MCF2: variants seen among roughly 807,000 people sequenced by gnomAD.
MCF2 encodes proto-oncogene DBL.
MCF2 carries 44 observed loss-of-function variants against 82.5 expected under a neutral mutation model. The ratio of observed to expected loss-of-function variants is 0.53; its 90% CI spans 0.42 to 0.69. MCF2 has a LOEUF of 0.69. Ranked by LOEUF, MCF2 falls within the 30% of genes least tolerant of loss-of-function variation. The pLI, the probability that MCF2 is intolerant of heterozygous loss-of-function variation, is 0.00. For missense variants in MCF2, 623 were observed against 663.1 expected (o/e 0.94, Z 0.66); for synonymous variants, 217 against 224.9 (o/e 0.96, Z 0.32).
At chrX:139,641,745 A>T (rs1275205953) in intron 1 of MCF2, among the ~76,000 whole-genome samples, 1 of 111,754 alleles carries the variant, frequency 8.9e-6, no homozygotes, top group African/African-American at 3.2e-5. Flanking sequence ...TTTCTCCAAA[A>T]TACATCTAAA....
chrX:139,654,291 C>A (rs185009031), intron 1 of MCF2, among the ~76,000 whole-genome samples: 2 of 111,591 alleles, frequency 1.8e-5, no homozygotes, highest in Admixed American at 1.9e-4. Context: ...TTCCCCACAC[C>A]CTCACCAGCA....
chrX:139,622,673 T>C (rs1338913326), intron 6 of MCF2, among the ~76,000 whole-genome samples: 2 of 108,456 alleles, frequency 1.8e-5, no homozygotes, highest in African/African-American at 6.7e-5. Context: ...TAGGTGGGAA[T>C]TGAACAATGA....
At chrX:139,650,893 C>T (rs987848230) in intron 2 of MCF2, among the ~76,000 whole-genome samples, 1 of 111,883 alleles carries the variant, frequency 8.9e-6, no homozygotes, top group East Asian at 2.8e-4. Flanking sequence ...ATCGATGAAA[C>T]TTGAAGACCT....
chrX:139,703,365 A>G (rs1346466567), intron 1 of MCF2, among the ~76,000 whole-genome samples: 1 of 111,635 alleles, frequency 9.0e-6, no homozygotes, highest in Non-Finnish European at 1.9e-5. Flanking sequence ...GTGAGAAAAA[A>G]AGATAAGAGA....
At chrX:139,648,593 G>C (rs949375990) in intron 2 of MCF2, among the ~76,000 whole-genome samples, 2 of 111,223 alleles carry the variant, frequency 1.8e-5, no homozygotes, top group Non-Finnish European at 3.8e-5. Flanking sequence ...AATGATCTAG[G>C]CACTGCAATT....
At chrX:139,632,438 T>C in exon 2 of MCF2, 1 of 1,202,407 alleles carries the variant, frequency 8.3e-7, no homozygotes, top group Non-Finnish European at 1.1e-6. Context: ...CAAGTGCAAG[T>C]TCCCAGGGAA....
exon 25 of MCF2, chrX:139,582,394 C>A: frequency 9.1e-7 from 1 of 1,093,711 alleles, no homozygotes; most frequent in Non-Finnish European, 1.3e-6. Flanking sequence ...AGCTCAATGT[C>A]TTTTGCGCAG....
intron 1 of MCF2, among the ~76,000 whole-genome samples, chrX:139,679,118 T>C (rs1934942540): frequency 8.9e-6 from 1 of 112,445 alleles, no homozygotes; most frequent in Admixed American, 9.4e-5. Flanking sequence ...ACATGTACAA[T>C]GTCAACCCAA....
At chrX:139,658,654 T>TA (rs1340066057) in intron 1 of MCF2, among the ~76,000 whole-genome samples, 2 of 99,674 alleles carry the variant, frequency 2.0e-5, no homozygotes, top group East Asian at 3.2e-4. Context: ...AAGCCTCTGC[T>TA]AAAAAAAGAT....
intron 9 of MCF2, 136 bp downstream of exon 12, chrX:139,616,146 T>C (rs1166648747): frequency 1.3e-5 from 4 of 317,949 alleles, no homozygotes; most frequent in African/African-American, 8.2e-5. Flanking sequence ...ACAGTGGCAC[T>C]ACTATCACCC....
At chrX:139,601,823 A>G (rs2148426335) in intron 16 of MCF2, among the ~76,000 whole-genome samples, 1 of 111,233 alleles carries the variant, frequency 9.0e-6, no homozygotes, top group East Asian at 2.8e-4. Context: ...GAGAAAATAG[A>G]ATGTGTTTAA....
At chrX:139,645,516 G>A, upstream of MCF2, 1 of 765,027 alleles carries the variant, frequency 1.3e-6, no homozygotes, top group Admixed American at 2.7e-5. Context: ...AAAACAGAAA[G>A]TATAATATAA....
intron 19 of MCF2, among the ~76,000 whole-genome samples, chrX:139,594,730 T>C (rs1368752034): frequency 7.4e-5 from 8 of 108,116 alleles, no homozygotes; most frequent in Admixed American, 6.9e-4. Context: ...ACAAATGGGA[T>C]CTAATTAAAC....
chrX:139,707,881 G>A (rs1313618702), intron 1 of MCF2, among the ~76,000 whole-genome samples: 1 of 111,894 alleles, frequency 8.9e-6, no homozygotes, highest in African/African-American at 3.3e-5. Flanking sequence ...GAAACCCAAA[G>A]CAGGCTATTG....
intron 6 of MCF2, among the ~76,000 whole-genome samples, chrX:139,621,978 C>T (rs1263068170): frequency 9.0e-6 from 1 of 111,427 alleles, no homozygotes; most frequent in Non-Finnish European, 1.9e-5. Flanking sequence ...GCAACCTACT[C>T]ATCTGACAAA....
chrX:139,615,639 T>G, intron 9 of MCF2, among the ~76,000 whole-genome samples: 1 of 111,948 alleles, frequency 8.9e-6, no homozygotes, highest in Non-Finnish European at 1.9e-5. Context: ...CCCTAGGATA[T>G]TCCGCTAAGC....
intron 2 of MCF2, 134 bp downstream of exon 5, chrX:139,632,201 C>T: frequency 4.8e-6 from 2 of 418,572 alleles, no homozygotes; most frequent in Non-Finnish European, 7.3e-6. Flanking sequence ...TTGGGCATTT[C>T]AAATGTATAC....
chrX:139,616,557 G>A (rs1931927395), intron 8 of MCF2, 84 bp from the exon 12 acceptor site: 2 of 521,180 alleles, frequency 3.8e-6, no homozygotes, highest in Non-Finnish European at 2.9e-6. Context: ...GTGGTTCTCA[G>A]CCTCTGGCTT....
chrX:139,668,036 C>T (rs986943605), intron 1 of MCF2, among the ~76,000 whole-genome samples: 2 of 111,818 alleles, frequency 1.8e-5, no homozygotes, highest in African/African-American at 6.5e-5. Context: ...GACTCAGTTG[C>T]AGCCACAACT....
Sources: gnomAD v4.1 joint callset for allele counts (sites outside exome capture counted in the v4.1 genomes callset) on GRCh38, gnomAD v4.1.1 for gene constraint, MANE v1.5 for transcripts, NCBI Gene and HGNC (gene_info 2026-07-23, HGNC 2026-07-21) for gene names.